Variants in DOCK1 observed in about 807,000 individuals in gnomAD.
The protein encoded by DOCK1 is dedicator of cytokinesis protein 1.
In DOCK1, 138 loss-of-function variants were observed where a neutral mutation model predicts 262.7. The ratio of observed to expected loss-of-function variants is 0.53; its 90% CI spans 0.46 to 0.61. The LOEUF is 0.61. DOCK1 is among the 20% of genes least tolerant of loss of function. The probability of loss-of-function intolerance (pLI) is 0.00; values close to 1 mark genes in which losing one functional copy is unlikely to be tolerated. For missense variants in DOCK1, 1,908 were observed against 2,370.7 expected (o/e 0.80, Z 4.05); for synonymous variants, 866 against 867.4 (o/e 1.00, Z 0.03).
intron 18 of DOCK1, among the ~76,000 whole-genome samples, chr10:127,035,212 T>C (rs2135558311): frequency 6.6e-6 from 1 of 152,318 alleles, no homozygotes; most frequent in African/African-American, 2.4e-5. Flanking sequence ...TCTGAAACCA[T>C]GATTTGTTCC....
chr10:127,165,190 A>G (rs1429903446), intron 27 of DOCK1, among the ~76,000 whole-genome samples: 1 of 152,210 alleles, frequency 6.6e-6, no homozygotes, highest in Non-Finnish European at 1.5e-5. Context: ...TTCTGATGGT[A>G]AATATCCACA....
intron 21 of DOCK1, among the ~76,000 whole-genome samples, chr10:127,045,358 C>T (rs2044279419): frequency 6.6e-6 from 1 of 152,126 alleles, no homozygotes; most frequent in Non-Finnish European, 1.5e-5. Flanking sequence ...CATGTCTGCA[C>T]CTTGAAATTC....
intron 4 of DOCK1, among the ~76,000 whole-genome samples, 155 bp from the exon 5 acceptor site, chr10:126,987,366 A>G (rs569684502): frequency 5.3e-5 from 8 of 152,272 alleles, no homozygotes; most frequent in Admixed American, 4.6e-4. Context: ...GTAGAGACGT[A>G]TGTATTTATA....
At chr10:127,255,760 G>A (rs1051420303) in intron 28 of DOCK1, among the ~76,000 whole-genome samples, 4 of 152,224 alleles carry the variant, frequency 2.6e-5, no homozygotes, top group Non-Finnish European at 4.4e-5. Flanking sequence ...ACGAGAGGCT[G>A]TAGCTCAATT....
In DOCK1 at chr10:127,433,307, G is replaced by A; in HGVS notation, c.4939G>A (p.Gly1647Ser). The A allele has an allele frequency of 6.2e-7, 1 of 1,613,976 alleles. No individual in the cohort carries two copies. The highest frequency in any genetic ancestry group is 8.5e-7 in the Non-Finnish European group (1 of 1,179,894). ...IMPSSLDDRR[G>S]SRPRSMVRSF... is the part of the protein sequence containing the mutation. ...GCCCTCAAGTCTGGATGATAGAAGA[G>A]GCAGCCGCCCCCGGTCCATGGTGCG... is the stretch of plus-strand genomic sequence containing the variant. Residue 1647 changes from glycine to serine, a missense_variant, in exon 48 of 52, where the codon GGC (glycine) becomes AGC (serine). By Grantham distance (56) the Gly-to-Ser change is moderately conservative. Coordinates refer to ENST00000623213, the MANE Select transcript of DOCK1 (RefSeq NM_001290223.2).
chr10:127,106,494 A>G (rs986183625), intron 24 of DOCK1, among the ~76,000 whole-genome samples, 193 bp downstream of exon 24: 1 of 152,164 alleles, frequency 6.6e-6, no homozygotes, highest in African/African-American at 2.4e-5. Context: ...AAAAGGTATC[A>G]CCAGTCAACT....
chr10:127,118,714 A>T (rs142374399), intron 25 of DOCK1, among the ~76,000 whole-genome samples: 2 of 152,298 alleles, frequency 1.3e-5, no homozygotes, highest in African/African-American at 4.8e-5. Context: ...CATTTCTAAC[A>T]ATTTCAGCCC....
intron 22 of DOCK1, among the ~76,000 whole-genome samples, chr10:127,058,008 A>T (rs1564769589): frequency 6.6e-6 from 1 of 152,152 alleles, no homozygotes; most frequent in African/African-American, 2.4e-5. Context: ...TATCCACTTC[A>T]GGGTGGATCA....
chr10:126,940,630 C>T (rs933042577), intron 1 of DOCK1, among the ~76,000 whole-genome samples: 46 of 152,182 alleles, frequency 3.0e-4, no homozygotes, highest in Non-Finnish European at 3.2e-4. Flanking sequence ...TCTCGAACTC[C>T]TGACCTCAAG....
At chr10:127,270,854 T>G (rs2060537389) in intron 29 of DOCK1, among the ~76,000 whole-genome samples, 1 of 152,208 alleles carries the variant, frequency 6.6e-6, no homozygotes, top group East Asian at 1.9e-4. Context: ...TGGTGGTGTG[T>G]AGTGAGATTG....
chr10:127,362,991 C>CACA (rs56121314), intron 33 of DOCK1, among the ~76,000 whole-genome samples: 34 of 47,578 alleles, frequency 7.1e-4, no homozygotes, highest in Admixed American at 9.6e-4. Flanking sequence ...ACACATCCCC[C>CACA]CCCACACACA....
chr10:127,403,253 C>A, intron 39 of DOCK1, 109 bp downstream of exon 39: 1 of 1,095,676 alleles, frequency 9.1e-7, no homozygotes, highest in Non-Finnish European at 1.3e-6. Context: ...CACTCTGGGA[C>A]CTTGGCCATG....
intron 49 of DOCK1, among the ~76,000 whole-genome samples, chr10:127,441,635 G>A (rs2070146140): frequency 6.6e-6 from 1 of 152,204 alleles, no homozygotes; most frequent in African/African-American, 2.4e-5. Flanking sequence ...GAGGTGCGGG[G>A]GAGGAGGTTC....
At chr10:127,029,471 A>T (rs1199800102) in intron 16 of DOCK1, among the ~76,000 whole-genome samples, 1 of 152,120 alleles carries the variant, frequency 6.6e-6, no homozygotes, top group Non-Finnish European at 1.5e-5. Flanking sequence ...CCTGTCGGCA[A>T]CTCCAGCTGC....
At chr10:126,922,241 A>C (rs1270081094) in intron 1 of DOCK1, among the ~76,000 whole-genome samples, 2 of 146,894 alleles carry the variant, frequency 1.4e-5, no homozygotes, top group Admixed American at 6.8e-5. Context: ...AAAAGGAAAG[A>C]GTTATAATTG....
Position 126,905,500 on chromosome 10 carries a change from G to T in DOCK1, c.-18G>T, listed in dbSNP as rs747509147. On this transcript the variant is annotated 5_prime_UTR_variant, in exon 1 of 52. Transcript: ENST00000623213. ...ACGCGGAGTTTCCTGCCCGACCCGC[G>T]GCGGCTCCGGCGGCGCCATGACGCG... is the stretch of plus-strand genomic sequence containing the variant. 3 of 532,088 alleles carry T rather than the reference G, an allele frequency of 5.6e-6. No individual in the cohort carries two copies. Among genetic ancestry groups the T allele is most frequent in the Non-Finnish European group, 1.0e-5 (3 of 289,808 alleles). The allele number at this position is 532,088 out of a possible 1,614,324, so 33.0% of individuals were successfully genotyped here. A position where few individuals can be genotyped will look rare whatever the true frequency, so the allele number is the denominator to read the frequency against.
At chr10:127,442,918 A>C (rs2070277572) in intron 49 of DOCK1, among the ~76,000 whole-genome samples, 2 of 152,226 alleles carry the variant, frequency 1.3e-5, no homozygotes, top group African/African-American at 4.8e-5. Context: ...TGTCCAGCCC[A>C]GGCTGTGTGA....
intron 12 of DOCK1, 66 bp from the exon 13 acceptor site, chr10:127,018,643 GT>G: frequency 1.9e-6 from 3 of 1,608,458 alleles, no homozygotes; most frequent in Non-Finnish European, 2.5e-6. Flanking sequence ...ATTGAAATTG[GT>G]TTCGTGAAAA....
chr10:126,927,681 C>T (rs2033858230), intron 1 of DOCK1, among the ~76,000 whole-genome samples: 2 of 152,168 alleles, frequency 1.3e-5, no homozygotes, highest in African/African-American at 2.4e-5. Context: ...AGGTGATCCG[C>T]CCACCTCGGC....
Sources: allele counts gnomAD v4.1 joint callset (sites outside exome capture counted in the v4.1 genomes callset), GRCh38; gene constraint gnomAD v4.1.1; transcripts MANE v1.5; gene names NCBI Gene and HGNC (gene_info 2026-07-23, HGNC 2026-07-21).